The following SYNPO2 variants were observed in gnomAD, a reference collection of about 807,000 sequenced individuals.
The protein encoded by SYNPO2 is synaptopodin 2.
In SYNPO2, 56 loss-of-function variants were observed where a neutral mutation model predicts 85.0. That is an observed-to-expected ratio of 0.66 (90% CI 0.53 to 0.82). SYNPO2 has a LOEUF of 0.82. Among genes scored for constraint, SYNPO2 ranks in the 40% least tolerant of loss-of-function variants. The pLI, the probability that SYNPO2 is intolerant of heterozygous loss-of-function variation, is 0.00. For missense variants in SYNPO2, 1,575 were observed against 1,534.2 expected (o/e 1.03, Z -0.44); for synonymous variants, 602 against 591.1 (o/e 1.02, Z -0.27).
intron 1 of SYNPO2, among the ~76,000 whole-genome samples, chr4:118,869,383 T>G (rs1309190203): frequency 6.6e-6 from 1 of 152,242 alleles, no homozygotes; most frequent in Admixed American, 6.5e-5. Context: ...GTAAGAATTA[T>G]TGTTTTTTTG....
chr4:119,014,675 A>C (rs1205667249), intron 1 of SYNPO2, among the ~76,000 whole-genome samples: 1 of 152,220 alleles, frequency 6.6e-6, no homozygotes, highest in Non-Finnish European at 1.5e-5. Flanking sequence ...AGTTCCTAAG[A>C]CCAAAATGTT....
intron 1 of SYNPO2, among the ~76,000 whole-genome samples, chr4:118,955,336 C>T (rs1291722235): frequency 6.6e-6 from 1 of 152,016 alleles, no homozygotes; most frequent in Non-Finnish European, 1.5e-5. Flanking sequence ...CTTCTAGCCT[C>T]AGAGAAAGTG....
chr4:118,879,789 G>A (rs991847752), intron 1 of SYNPO2, among the ~76,000 whole-genome samples: 1 of 152,082 alleles, frequency 6.6e-6, no homozygotes, highest in Non-Finnish European at 1.5e-5. Context: ...AGTCAGGTAC[G>A]TAACTGCAAC....
chr4:118,954,191 G>C (rs1734792914), intron 1 of SYNPO2, among the ~76,000 whole-genome samples: 1 of 152,108 alleles, frequency 6.6e-6, no homozygotes, highest in Admixed American at 6.6e-5. Context: ...AAATATATGG[G>C]TTTTCATGTA....
chr4:118,994,362 G>A (rs1415670117), intron 1 of SYNPO2, among the ~76,000 whole-genome samples: 2 of 152,230 alleles, frequency 1.3e-5, no homozygotes, highest in African/African-American at 4.8e-5. Context: ...TCCTAGGCGG[G>A]TCTCCTGACA....
At chr4:119,008,300 A>G (rs746206448) in intron 1 of SYNPO2, among the ~76,000 whole-genome samples, 4 of 152,166 alleles carry the variant, frequency 2.6e-5, no homozygotes, top group African/African-American at 4.8e-5. Context: ...TCCTGGGTCT[A>G]TCCTGGGAAA....
rs780728054 is a variant in SYNPO2, at chr4:119,026,874, C to G, written c.505C>G (p.Gln169Glu). Reference protein sequence around the residue: ...ETGPSYQRAPQMPDSQRGRVA... With the variant: ...ETGPSYQRAPEMPDSQRGRVA... ...AGGCCCGAGCTACCAAAGGGCTCCC[C>G]AAATGCCTGACTCCCAAAGAGGACG... Residue 169 changes from glutamine to glutamate, a missense_variant, in exon 3 of 5, where the codon CAA (glutamine) becomes GAA (glutamate). This residue lies in a region of SYNPO2 where 1,508 missense variants were observed against 1,446.8 expected (regional missense o/e 1.04). Transcript: ENST00000307142. 5.6e-6 allele frequency: 9 copies of G among 1,614,110 alleles called. No homozygotes were observed. Among genetic ancestry groups the G allele is most frequent in the Non-Finnish European group, 7.6e-6 (9 of 1,180,012 alleles).
intron 1 of SYNPO2, among the ~76,000 whole-genome samples, chr4:118,956,780 C>T (rs1015623951): frequency 6.6e-5 from 10 of 152,096 alleles, no homozygotes; most frequent in Non-Finnish European, 1.3e-4. Flanking sequence ...CACGGTGGCT[C>T]ATGCCTGTAA....
At chr4:118,899,271 A>G (rs769374230) in intron 1 of SYNPO2, among the ~76,000 whole-genome samples, 3 of 152,252 alleles carry the variant, frequency 2.0e-5, no homozygotes, top group Non-Finnish European at 4.4e-5. Flanking sequence ...TATTTTATGT[A>G]CAGTATAAAA....
At position 119,030,110 on chromosome 4, in the gene SYNPO2, G is replaced by T. The variant is rs1246621354; in HGVS notation, c.1335G>T (p.Val445=). The change falls in exon 4 of 5, where the codon GTG becomes GTT. Residue 445 remains valine, a synonymous_variant. Transcript: ENST00000307142. ...VAFLGASESE[V]DEELLSDVDD... is the part of the protein sequence containing the mutation. ...TTCTTGGTGCAAGCGAATCAGAGGTGGATGAAGAGTTATTGTCTGACGTTG... is the reference window on the plus strand; with the variant it reads ...TTCTTGGTGCAAGCGAATCAGAGGTTGATGAAGAGTTATTGTCTGACGTTG... The T allele has an allele frequency of 3.7e-6, 6 of 1,613,994 alleles. No individual in the cohort carries two copies. Among genetic ancestry groups the T allele is most frequent in the Non-Finnish European group, 5.1e-6 (6 of 1,180,038 alleles).
intron 1 of SYNPO2, among the ~76,000 whole-genome samples, chr4:119,021,057 T>C (rs1737701646): frequency 6.6e-6 from 1 of 152,198 alleles, no homozygotes; most frequent in South Asian, 2.1e-4. Context: ...TATTTTCCAA[T>C]AAATTAGTAT....
At chr4:119,049,649 G>A (rs1230820983) in intron 4 of SYNPO2, among the ~76,000 whole-genome samples, 1 of 152,220 alleles carries the variant, frequency 6.6e-6, no homozygotes, top group Non-Finnish European at 1.5e-5. Context: ...CATGTCAAGT[G>A]TTCCCTGCCA....
intron 1 of SYNPO2, among the ~76,000 whole-genome samples, chr4:118,987,636 C>A (rs564554594): frequency 1.3e-5 from 2 of 149,726 alleles, no homozygotes; most frequent in African/African-American, 4.9e-5. Context: ...TGCACTGCAG[C>A]CCACATGAAA....
chr4:118,888,863 C>A lies in SYNPO2; in HGVS notation c.-174C>A. The A allele has an allele frequency of 1.5e-6, 1 of 660,294 alleles. No homozygotes were observed. The highest frequency in any genetic ancestry group is 2.8e-5 in the Admixed American group (1 of 35,362). 40.9% of individuals were successfully genotyped at this position (660,294 alleles called of 1,614,324 possible). On this transcript the variant is annotated 5_prime_UTR_variant, in exon 1 of 5. Coordinates refer to ENST00000307142, the MANE Select transcript of SYNPO2 (RefSeq NM_133477.3). ...AATGAGCCCATTAGCCGCACAAATT[C>A]GCAGCAGGCGGCTGGGGCGGCGGCT...
chr4:118,870,709 G>A (rs1303362102), intron 1 of SYNPO2, among the ~76,000 whole-genome samples: 2 of 152,016 alleles, frequency 1.3e-5, no homozygotes, highest in Non-Finnish European at 2.9e-5. Flanking sequence ...GTTGTTTCTC[G>A]ACTTTTTAAT....
chr4:118,926,535 T>A (rs1230572421), intron 1 of SYNPO2, among the ~76,000 whole-genome samples: 1 of 152,020 alleles, frequency 6.6e-6, no homozygotes, highest in Non-Finnish European at 1.5e-5. Flanking sequence ...TCTGCCATGG[T>A]TAAATGGTAA....
chr4:118,912,679 C>T (rs1578543424), intron 1 of SYNPO2, among the ~76,000 whole-genome samples: 1 of 151,946 alleles, frequency 6.6e-6, no homozygotes, highest in Admixed American at 6.6e-5. Context: ...ACCTGAAAGC[C>T]CTAGCTAGAA....
At chr4:118,993,974 C>T (rs909134002) in intron 1 of SYNPO2, among the ~76,000 whole-genome samples, 1 of 152,198 alleles carries the variant, frequency 6.6e-6, no homozygotes, top group African/African-American at 2.4e-5. Context: ...ACCAGCTGAT[C>T]GTCAGTCCTA....
intron 1 of SYNPO2, among the ~76,000 whole-genome samples, chr4:118,899,584 G>C (rs774939816): frequency 2.6e-5 from 4 of 152,058 alleles, no homozygotes; most frequent in Non-Finnish European, 4.4e-5. Flanking sequence ...CTGAAGAAAT[G>C]AATCATTACC....
Sources: gnomAD v4.1 joint callset for allele counts (sites outside exome capture counted in the v4.1 genomes callset) on GRCh38, gnomAD v4.1.1 for gene constraint, gnomAD v4.1.1 regional missense constraint, MANE v1.5 for transcripts, NCBI Gene and HGNC (gene_info 2026-07-23, HGNC 2026-07-21) for gene names.